HDAC7: variants seen among roughly 807,000 people sequenced by gnomAD.
The protein encoded by HDAC7 is histone deacetylase 7A.
Under a neutral mutation model 115.5 loss-of-function variants are expected in HDAC7, and 26 were observed. That is an observed-to-expected ratio of 0.23 (90% CI 0.16 to 0.31). The LOEUF is 0.31. Among genes scored for constraint, HDAC7 ranks in the 10% least tolerant of loss-of-function variants. The probability of loss-of-function intolerance (pLI) is 1.00; values close to 1 mark genes in which losing one functional copy is unlikely to be tolerated. For synonymous variants in HDAC7, 564 were observed against 550.9 expected (o/e 1.02, Z -0.33); for missense variants, 1,068 against 1,329.0 (o/e 0.80, Z 3.05).
chr12:47,786,901 C>T lies in HDAC7; in HGVS notation c.2454-198G>A, dbSNP rs549500042. Among the ~76,000 whole-genome samples the T allele has an allele frequency of 3.9e-5, 6 of 152,284 alleles. No individual in the cohort carries two copies. The East Asian group carries it at 9.6e-4, about 24-fold the overall frequency. On this transcript the variant is annotated intron_variant, in intron 21 of 25. Coordinates refer to ENST00000080059, the MANE Select transcript of HDAC7 (RefSeq NM_015401.5). Reference sequence around the variant, plus strand: ...GCACACACAGCCTAAGGACTCAGCCCCCTAGGGGACTTAACTAGCAAGAGG... The same window carrying T: ...GCACACACAGCCTAAGGACTCAGCCTCCTAGGGGACTTAACTAGCAAGAGG...
intron 7 of HDAC7, 23 bp downstream of exon 7, chr12:47,796,994 G>A (rs371782705): frequency 7.2e-6 from 11 of 1,521,678 alleles, no homozygotes; most frequent in South Asian, 2.6e-5. Flanking sequence ...GATGGCAACC[G>A]CACTGGCTCA....
In HDAC7 at chr12:47,793,852, G is replaced by A. The variant is rs922500064; in HGVS notation, c.1459-264C>T. Among the ~76,000 whole-genome samples the A allele has an allele frequency of 2.0e-5, 3 of 152,200 alleles. No individual in the cohort carries two copies. The highest frequency in any genetic ancestry group is 7.2e-5 in the African/African-American group (3 of 41,440). On this transcript the variant is annotated intron_variant, in intron 12 of 25. Coordinates refer to ENST00000080059, the MANE Select transcript of HDAC7 (RefSeq NM_015401.5). The surrounding 1 kb of genome is among the most constrained non-coding windows in gnomAD (Gnocchi z 4.5). Reference sequence around the variant, plus strand: ...GGGGCTCCAAAGCCAGGAACCAGGGGAGGGGCGCTGGATCTTGTGCTGACC... The same window carrying A: ...GGGGCTCCAAAGCCAGGAACCAGGGAAGGGGCGCTGGATCTTGTGCTGACC...
chr12:47,784,334 T>C lies in HDAC7; in HGVS notation c.2792-117A>G, dbSNP rs545243306. 5.4e-4 allele frequency: 633 copies of C among 1,176,800 alleles called. 2 individuals carry two copies. Among genetic ancestry groups the C allele is most frequent in the Admixed American group, 1.0e-3 (37 of 36,052 alleles). 72.9% of individuals were successfully genotyped at this position (1,176,800 alleles called of 1,614,324 possible). On this transcript the variant is annotated intron_variant, in intron 24 of 25. Coordinates refer to ENST00000080059, the MANE Select transcript of HDAC7 (RefSeq NM_015401.5). Reference sequence around the variant, plus strand: ...CCAGGGCCCCGGAGGAGCGGGCCTGTCCTCCACTTAGGGTCGGCTCTCCCA... The same window carrying C: ...CCAGGGCCCCGGAGGAGCGGGCCTGCCCTCCACTTAGGGTCGGCTCTCCCA...
Position 47,819,761 on chromosome 12 carries a change from A to T in HDAC7, c.19+6T>A. On this transcript the variant is annotated splice_donor_region_variant and intron_variant, in intron 1 of 25. Transcript: ENST00000080059. ...GCGGGGCGGGGGGCGGCCGCCCAGT[A>T]CTCACCAGCGCCGGGGCTGTGCATC... 1.2e-6 allele frequency: 1 copy of T among 833,570 alleles called. No individual in the cohort carries two copies. Among genetic ancestry groups the T allele is most frequent in the Non-Finnish European group, 1.4e-6 (1 of 691,400 alleles). The allele number at this position is 833,570 out of a possible 1,614,324, so 51.6% of individuals were successfully genotyped here. A position where few individuals can be genotyped will look rare whatever the true frequency, so the allele number is the denominator to read the frequency against.
At chr12:47,820,132 C>T (rs866947968), upstream of HDAC7, among the ~76,000 whole-genome samples, 2 of 151,140 alleles carry the variant, frequency 1.3e-5, no homozygotes, top group Middle Eastern at 3.4e-3. This position sits in a 1 kb window ranked among gnomAD's most constrained non-coding sequence, Gnocchi z 4.3. Context: ...CGGCGCACTG[C>T]CGGGGAGGCA....
In HDAC7 at chr12:47,797,507, A is replaced by T. The variant is rs776179161; in HGVS notation, c.462-8T>A. ...TCCAGGGGCTCCAGGGTTCTACAGA[A>T]CGAGTGCCAAGGCTGCTTCAGAGGT... On this transcript the variant is annotated splice_region_variant and splice_polypyrimidine_tract_variant and intron_variant, in intron 5 of 25. Coordinates refer to ENST00000080059, the MANE Select transcript of HDAC7 (RefSeq NM_015401.5). The surrounding 1 kb of genome is among the most constrained non-coding windows in gnomAD (Gnocchi z 5.5). 6.2e-7 allele frequency: 1 copy of T among 1,600,678 alleles called. No individual in the cohort carries two copies. Among genetic ancestry groups the T allele is most frequent in the Admixed American group, 1.7e-5 (1 of 59,146 alleles).
chr12:47,811,946 CAGAG>C (rs1944686709), intron 1 of HDAC7, among the ~76,000 whole-genome samples: 1 of 152,264 alleles, frequency 6.6e-6, no homozygotes, highest in South Asian at 2.1e-4. Flanking sequence ...ATGCCTCTTC[CAGAG>C]CCGCTGTGCT....
Position 47,783,818 on chromosome 12 carries a change from G to A in HDAC7, c.*23C>T, listed in dbSNP as rs777450284. The A allele has an allele frequency of 2.5e-6, 4 of 1,608,248 alleles. No homozygotes were observed. Among genetic ancestry groups the A allele is most frequent in the Non-Finnish European group, 1.7e-6 (2 of 1,177,918 alleles). ...AGAACCAGGTCCCAAGGGCATGGTGGGCGGGCAGATGGTTCCAGAGCCTTA... is the reference window on the plus strand; with the variant it reads ...AGAACCAGGTCCCAAGGGCATGGTGAGCGGGCAGATGGTTCCAGAGCCTTA... On this transcript the variant is annotated 3_prime_UTR_variant, in exon 26 of 26. Transcript: ENST00000080059.
chr12:47,790,574 TAGG>T (rs1196345513), intron 16 of HDAC7: 1 of 156,766 alleles, frequency 6.4e-6, no homozygotes, highest in African/African-American at 2.4e-5. Flanking sequence ...AAGTTGTGAA[TAGG>T]GCACTGACTG....
At chr12:47,784,517 G>A (rs1943051256) in intron 24 of HDAC7, 1 of 608,898 alleles carries the variant, frequency 1.6e-6, no homozygotes, top group African/African-American at 1.8e-5. Context: ...CACAGGTGCG[G>A]GGCTCCTGAG....
Position 47,783,522 on chromosome 12 carries a change from G to A in HDAC7, c.*319C>T, listed in dbSNP as rs145633453. 5 of 388,708 alleles carry A rather than the reference G, an allele frequency of 1.3e-5. No individual in the cohort carries two copies. Among genetic ancestry groups the A allele is most frequent in the Admixed American group, 3.7e-5 (1 of 27,352 alleles). 24.1% of individuals were successfully genotyped at this position (388,708 alleles called of 1,614,324 possible). A position where few individuals can be genotyped will look rare whatever the true frequency, so the allele number is the denominator to read the frequency against. On this transcript the variant is annotated 3_prime_UTR_variant, in exon 26 of 26. Transcript: ENST00000080059. ...GGTTAAGGGTGAGCCCGACGGAGCC[G>A]GAGCCAGTCCTCCTCTGTGCAGTCC...
rs564512045 is a variant in HDAC7, at chr12:47,791,538, C to T, written c.1933+48G>A. 15 of 1,569,272 alleles carry T rather than the reference C, an allele frequency of 9.6e-6. No homozygotes were observed. The East Asian group carries it at 2.8e-4, about 29-fold the overall frequency. On this transcript the variant is annotated intron_variant, in intron 15 of 25. Coordinates refer to ENST00000080059, the MANE Select transcript of HDAC7 (RefSeq NM_015401.5). Reference sequence around the variant, plus strand: ...GAGCCGAGACAGGAGTGCATGGGAGCTGGGTGAGGTAAGCTGGCATGGGGA... The same window carrying T: ...GAGCCGAGACAGGAGTGCATGGGAGTTGGGTGAGGTAAGCTGGCATGGGGA...
Position 47,819,751 on chromosome 12 carries a change from G to T in HDAC7, c.19+16C>A. On this transcript the variant is annotated intron_variant, in intron 1 of 25. Coordinates refer to ENST00000080059, the MANE Select transcript of HDAC7 (RefSeq NM_015401.5). Reference sequence around the variant, plus strand: ...CGCGCGCAGGGCGGGGCGGGGGGCGGCCGCCCAGTACTCACCAGCGCCGGG... The same window carrying T: ...CGCGCGCAGGGCGGGGCGGGGGGCGTCCGCCCAGTACTCACCAGCGCCGGG... The T allele has an allele frequency of 2.4e-6, 2 of 839,602 alleles. No individual in the cohort carries two copies. The highest frequency in any genetic ancestry group is 2.9e-6 in the Non-Finnish European group (2 of 688,638). The allele number at this position is 839,602 out of a possible 1,614,324, so 52.0% of individuals were successfully genotyped here.
chr12:47,798,456 G>C lies in HDAC7; in HGVS notation c.349+106C>G. 4 of 1,031,850 alleles carry C rather than the reference G, an allele frequency of 3.9e-6. No individual in the cohort carries two copies. The highest frequency in any genetic ancestry group is 5.9e-6 in the Non-Finnish European group (4 of 675,328). The allele number at this position is 1,031,850 out of a possible 1,614,324, so 63.9% of individuals were successfully genotyped here. A position where few individuals can be genotyped will look rare whatever the true frequency, so the allele number is the denominator to read the frequency against. On this transcript the variant is annotated intron_variant, in intron 4 of 25. Transcript: ENST00000080059. The surrounding 1 kb of genome is among the most constrained non-coding windows in gnomAD (Gnocchi z 4.3). ...AAGCAGAGGGAAAGCCTCGGCTCAG[G>C]CCCAGCTGGCTGCGGCCCTCCCACC...
rs1404198340 is a variant in HDAC7 at position 47,797,471 on chromosome 12, C to T, written c.490G>A (p.Ala164Thr). Residue 164 changes from alanine to threonine, a missense_variant, in exon 6 of 26, where the codon GCC becomes ACC. By Grantham distance (58) the Ala-to-Thr change is moderately conservative (BLOSUM62 0). Around this residue, in one of 6 missense-constraint regions of HDAC7, gnomAD observed 618 missense variants for 701.5 expected, o/e 0.88. Transcript: ENST00000080059. The surrounding 1 kb of genome is among the most constrained non-coding windows in gnomAD (Gnocchi z 5.5). The part of the protein sequence containing the change: ...RTLEPLETEG[A>T]TRSMLSSFLP... The stretch of plus-strand genomic sequence containing the variant: ...AAGCTGCTGAGCATGGAGCGGGTGG[C>T]TCCTTCCGTCTCCAGGGGCTCCAGG... 3 of 1,613,270 alleles carry T rather than the reference C, an allele frequency of 1.9e-6. No individual in the cohort carries two copies. In the South Asian group the frequency reaches 3.3e-5, roughly 18 times the overall value.
At position 47,797,971 on chromosome 12, in the gene HDAC7, A is replaced by G; in HGVS notation, c.461+137T>C. ...TCAGTTGAGAGAGGGGCTCGGGGGC[A>G]TTATGTTTAGAGGAAGGGTAAGGAC... On this transcript the variant is annotated intron_variant, in intron 5 of 25. Transcript: ENST00000080059. The surrounding 1 kb of genome is among the most constrained non-coding windows in gnomAD (Gnocchi z 5.5). 1.5e-6 allele frequency: 1 copy of G among 685,232 alleles called. No homozygotes were observed. The highest frequency in any genetic ancestry group is 1.6e-5 in the South Asian group (1 of 63,650). The allele number at this position is 685,232 out of a possible 1,614,324, so 42.4% of individuals were successfully genotyped here.
chr12:47,798,819 C>T lies in HDAC7; in HGVS notation c.224G>A (p.Gly75Asp). ...QRLHHHLFLA[G>D]LQQQRSVEPM... ...CTCCACCGAGCGCTGCTGCTGCAGG[C>T]CTGCTAGGAAGAGGTGGTGGTGCAG... Residue 75 changes from glycine (G) to aspartate (D), a missense_variant, in exon 3 of 26, where the codon GGC (glycine) becomes GAC (aspartate). By Grantham distance (94) the Gly-to-Asp change is moderately conservative (BLOSUM62 -1). Coordinates refer to ENST00000080059, the MANE Select transcript of HDAC7 (RefSeq NM_015401.5). This position sits in a 1 kb window ranked among gnomAD's most constrained non-coding sequence, Gnocchi z 4.3. 1 of 1,557,748 alleles carries T rather than the reference C, an allele frequency of 6.4e-7. No individual in the cohort carries two copies.
Position 47,795,083 on chromosome 12 carries a change from G to GCC in HDAC7, c.1284+99_1284+100dup. 7.6e-7 allele frequency: 1 copy of GCC among 1,315,320 alleles called. No individual in the cohort carries two copies. Among genetic ancestry groups the GCC allele is most frequent in the South Asian group, 1.4e-5 (1 of 73,508 alleles). 81.5% of individuals were successfully genotyped at this position (1,315,320 alleles called of 1,614,324 possible). A position where few individuals can be genotyped will look rare whatever the true frequency, so the allele number is the denominator to read the frequency against. On this transcript the variant is annotated intron_variant, in intron 11 of 25. Coordinates refer to ENST00000080059, the MANE Select transcript of HDAC7 (RefSeq NM_015401.5). This position sits in a 1 kb window ranked among gnomAD's most constrained non-coding sequence, Gnocchi z 4.3. ...CCAAGAAGCCACATCCCCCTCTTTT[G>GCC]CCCTCCAGTTCCCTGCCCTTTCTAA...
Position 47,795,093 on chromosome 12 carries a change from TCC to T in HDAC7, c.1284+89_1284+90del. On this transcript the variant is annotated intron_variant, in intron 11 of 25. Transcript: ENST00000080059. The surrounding 1 kb of genome is among the most constrained non-coding windows in gnomAD (Gnocchi z 4.3). ...ACATCCCCCTCTTTTGCCCTCCAGT[TCC>T]CTGCCCTTTCTAAGTACCCCTCTTC... The T allele has an allele frequency of 7.4e-7, 1 of 1,345,964 alleles. No individual in the cohort carries two copies. Among genetic ancestry groups the T allele is most frequent in the South Asian group, 1.3e-5 (1 of 75,766 alleles). The allele number at this position is 1,345,964 out of a possible 1,614,324, so 83.4% of individuals were successfully genotyped here.
Sources: gnomAD v4.1 joint callset for allele counts (sites outside exome capture counted in the v4.1 genomes callset) on GRCh38, gnomAD v4.1.1 for gene constraint, gnomAD v4.1.1 regional missense constraint, Gnocchi (gnomAD v3.1) non-coding constraint, MANE v1.5 for transcripts, NCBI Gene and HGNC (gene_info 2026-07-23, HGNC 2026-07-21) for gene names.